Variants in ASTN2 observed in about 807,000 individuals in gnomAD.
The protein encoded by ASTN2 is astrotactin-2.
In ASTN2, 54 loss-of-function variants were observed where a neutral mutation model predicts 139.8. The ratio of observed to expected loss-of-function variants is 0.39; its 90% CI spans 0.31 to 0.48. The LOEUF (loss-of-function observed/expected upper bound fraction) is 0.48, where lower values mean the gene tolerates loss of function less well. ASTN2 is among the 20% of genes least tolerant of loss of function. The probability of loss-of-function intolerance (pLI) is 0.95; values close to 1 mark genes in which losing one functional copy is unlikely to be tolerated. For missense variants in ASTN2, 1,565 were observed against 1,725.1 expected (o/e 0.91, Z 1.64); for synonymous variants, 756 against 719.5 (o/e 1.05, Z -0.81).
intron 6 of ASTN2, among the ~76,000 whole-genome samples, chr9:117,037,679 T>C (rs1468278902): frequency 6.6e-6 from 1 of 152,222 alleles, no homozygotes; most frequent in Non-Finnish European, 1.5e-5. Flanking sequence ...CCTTTAAGGC[T>C]TAACATTCTA....
intron 1 of ASTN2, among the ~76,000 whole-genome samples, chr9:117,318,264 G>A (rs553034423): frequency 6.6e-6 from 1 of 152,272 alleles, no homozygotes; most frequent in Non-Finnish European, 1.5e-5. Context: ...TGGGGACACT[G>A]ATAATGTCCA....
intron 16 of ASTN2, among the ~76,000 whole-genome samples, chr9:116,685,217 C>T (rs987788604): frequency 1.3e-5 from 2 of 152,114 alleles, no homozygotes; most frequent in African/African-American, 2.4e-5. Flanking sequence ...TGTGGCCCCC[C>T]CACTCAGGAA....
intron 19 of ASTN2, among the ~76,000 whole-genome samples, chr9:116,577,431 G>A (rs1853765760): frequency 7.0e-6 from 1 of 142,474 alleles, no homozygotes; most frequent in South Asian, 2.1e-4. Flanking sequence ...ATGCTGGGGG[G>A]CTGAGGCAGG....
chr9:117,340,509 A>C (rs192479855), intron 1 of ASTN2, among the ~76,000 whole-genome samples: 1 of 151,922 alleles, frequency 6.6e-6, no homozygotes, highest in East Asian at 1.9e-4. Flanking sequence ...AATAATAACT[A>C]CTCTCTACCA....
intron 6 of ASTN2, among the ~76,000 whole-genome samples, chr9:117,025,822 C>T (rs375313751): frequency 4.7e-5 from 7 of 148,896 alleles, no homozygotes; most frequent in South Asian, 2.1e-4. Context: ...GACAGAGTCT[C>T]GCTCTGTTGC....
At chr9:117,052,277 A>G (rs2132669739) in intron 5 of ASTN2, among the ~76,000 whole-genome samples, 1 of 152,016 alleles carries the variant, frequency 6.6e-6, no homozygotes, top group South Asian at 2.1e-4. Flanking sequence ...CGTCTTTACT[A>G]AAAATACAAA....
chr9:116,789,920 CTT>C (rs57433960), intron 13 of ASTN2, among the ~76,000 whole-genome samples: 1,398 of 93,318 alleles, frequency 0.015, 4 homozygotes, highest in African/African-American at 0.022. Flanking sequence ...TTCTCTTTCT[CTT>C]TTTTTTTTTT....
intron 1 of ASTN2, among the ~76,000 whole-genome samples, chr9:117,346,491 T>C (rs1358865042): frequency 1.3e-5 from 2 of 152,190 alleles, no homozygotes; most frequent in Admixed American, 1.3e-4. Flanking sequence ...CACACTCACC[T>C]GTGCTTATTT....
At chr9:116,476,392 C>T (rs1167506982) in intron 20 of ASTN2, among the ~76,000 whole-genome samples, 1 of 152,190 alleles carries the variant, frequency 6.6e-6, no homozygotes, top group Non-Finnish European at 1.5e-5. Context: ...GTTCAACCCA[C>T]TGCAATCCAT....
intron 1 of ASTN2, among the ~76,000 whole-genome samples, chr9:117,322,558 G>T (rs1046114984): frequency 1.3e-5 from 2 of 152,186 alleles, no homozygotes; most frequent in African/African-American, 4.8e-5. Flanking sequence ...AAGTCTGCAT[G>T]GCTGACATTC....
intron 2 of ASTN2, among the ~76,000 whole-genome samples, chr9:117,232,703 G>A (rs1400763328): frequency 6.6e-6 from 1 of 152,110 alleles, no homozygotes; most frequent in East Asian, 1.9e-4. Flanking sequence ...GATTACCTGG[G>A]TCCAAAGAAT....
chr9:117,056,418 C>G (rs945656550), intron 5 of ASTN2, among the ~76,000 whole-genome samples: 2 of 152,106 alleles, frequency 1.3e-5, no homozygotes, highest in Non-Finnish European at 2.9e-5. Context: ...ATGGTATGTG[C>G]CAGACCCTGG....
chr9:116,617,944 G>GA (rs1343145009), intron 19 of ASTN2, among the ~76,000 whole-genome samples: 9 of 152,164 alleles, frequency 5.9e-5, no homozygotes, highest in Non-Finnish European at 1.2e-4. Context: ...TATCTCACTA[G>GA]AAAGCCAATT....
intron 11 of ASTN2, among the ~76,000 whole-genome samples, chr9:116,840,838 C>G (rs933447080): frequency 6.6e-6 from 1 of 150,966 alleles, no homozygotes; most frequent in Admixed American, 6.6e-5. Context: ...GGAAGAGGCG[C>G]TCCTCACTTC....
intron 10 of ASTN2, among the ~76,000 whole-genome samples, chr9:116,923,271 G>T (rs1834664322): frequency 6.6e-6 from 1 of 152,320 alleles, no homozygotes; most frequent in East Asian, 1.9e-4. Context: ...ACATCTGGAG[G>T]TTATCACCAC....
At chr9:117,057,339 G>A (rs1246332344) in intron 5 of ASTN2, among the ~76,000 whole-genome samples, 1 of 152,166 alleles carries the variant, frequency 6.6e-6, no homozygotes, top group East Asian at 1.9e-4. Flanking sequence ...TGCAGCAGGA[G>A]CTGTGCCAAG....
intron 1 of ASTN2, among the ~76,000 whole-genome samples, chr9:117,303,698 C>T (rs1205338004): frequency 6.6e-6 from 1 of 152,200 alleles, no homozygotes; most frequent in African/African-American, 2.4e-5. Flanking sequence ...ATCTTCAGAA[C>T]TCAGATGTAA....
chr9:116,744,658 G>A (rs1289840732), intron 13 of ASTN2, among the ~76,000 whole-genome samples: 1 of 152,088 alleles, frequency 6.6e-6, no homozygotes, highest in African/African-American at 2.4e-5. Flanking sequence ...TATTGAGCAG[G>A]TTTGAGCCCA....
chr9:116,730,339 T>C (rs753944003), intron 14 of ASTN2, among the ~76,000 whole-genome samples: 3 of 152,204 alleles, frequency 2.0e-5, no homozygotes, highest in Non-Finnish European at 4.4e-5. Context: ...TGTCCATTAC[T>C]GTCAACTTTT....
Sources: allele counts gnomAD v4.1 joint callset (sites outside exome capture counted in the v4.1 genomes callset), GRCh38; gene constraint gnomAD v4.1.1; transcripts MANE v1.5; gene names NCBI Gene and HGNC (gene_info 2026-07-23, HGNC 2026-07-21).